The following CD109 variants were observed in gnomAD, a reference collection of about 807,000 sequenced individuals.
CD109 encodes the protein CD109 antigen.
A neutral mutation model predicts 165.8 loss-of-function variants in CD109; 149 were observed. The ratio of observed to expected loss-of-function variants is 0.90; its 90% CI spans 0.79 to 1.03. CD109 has a LOEUF of 1.03. CD109 is among the 50% of genes least tolerant of loss of function. The pLI, the probability that CD109 is intolerant of heterozygous loss-of-function variation, is 0.00. For synonymous variants in CD109, 585 were observed against 592.1 expected (o/e 0.99, Z 0.18); for missense variants, 1,712 against 1,677.8 (o/e 1.02, Z -0.36).
At chr6:73,717,572 C>T (rs1413243940) in intron 2 of CD109, among the ~76,000 whole-genome samples, 3 of 144,492 alleles carry the variant, frequency 2.1e-5, no homozygotes, top group East Asian at 4.1e-4. Context: ...ATTTCTTTTT[C>T]AGATTGTTCA....
chr6:73,716,012 A>T (rs111551702), intron 2 of CD109, among the ~76,000 whole-genome samples: 6,663 of 152,304 alleles, frequency 0.044, 181 homozygotes, highest in East Asian at 0.1. Context: ...TACCACAAAT[A>T]AGTGAGAACA....
intron 2 of CD109, among the ~76,000 whole-genome samples, chr6:73,707,962 TTATATATATATATATATA>T (rs200081535): frequency 0.063 from 7,928 of 126,698 alleles, 440 homozygotes; most frequent in African/African-American, 0.11. Flanking sequence ...ATTGTTATCT[TTATATATATATATATATA>T]TATATATATA....
intron 32 of CD109, among the ~76,000 whole-genome samples, chr6:73,822,884 A>G (rs1466313591): frequency 6.6e-6 from 1 of 152,090 alleles, no homozygotes; most frequent in East Asian, 1.9e-4. Flanking sequence ...AAACTCATTT[A>G]TGTTTTACAG....
intron 2 of CD109, among the ~76,000 whole-genome samples, chr6:73,722,622 T>C (rs1382906241): frequency 6.6e-6 from 1 of 152,256 alleles, no homozygotes; most frequent in Admixed American, 6.5e-5. Context: ...TTGCTCCATT[T>C]TATTTCCCAA....
chr6:73,708,901 C>G (rs989603892), intron 2 of CD109, among the ~76,000 whole-genome samples: 4 of 152,046 alleles, frequency 2.6e-5, no homozygotes, highest in Non-Finnish European at 1.5e-5. Flanking sequence ...TGGATATTAG[C>G]CCTTTGTCAG....
intron 4 of CD109, among the ~76,000 whole-genome samples, chr6:73,735,644 T>C (rs546775802): frequency 6.6e-6 from 1 of 152,320 alleles, no homozygotes; most frequent in East Asian, 1.9e-4. Flanking sequence ...TCCATGTATA[T>C]CCGTGATTAA....
In CD109 at chr6:73,808,183, C is replaced by T; in HGVS notation, c.3290C>T (p.Ser1097Leu). The stretch of plus-strand genomic sequence containing the variant: ...CTAGCCCTTATAACTTATGCATTGT[C>T]ATCAGTGGGGAGTCCTAAAGCGAAG... ...YTLALITYAL[S>L]SVGSPKAKEA... The change falls in exon 26 of 33, where the codon TCA becomes TTA. Residue 1097 changes from serine to leucine, a missense_variant. Ser to Leu is a moderately radical substitution (Grantham distance 145, BLOSUM62 -2). Transcript: ENST00000287097. 1.2e-6 allele frequency: 2 copies of T among 1,613,524 alleles called. No individual in the cohort carries two copies. The highest frequency in any genetic ancestry group is 8.5e-7 in the Non-Finnish European group (1 of 1,179,668).
intron 2 of CD109, 82 bp downstream of exon 2, chr6:73,697,654 C>G: frequency 8.3e-7 from 1 of 1,208,862 alleles, no homozygotes; most frequent in Non-Finnish European, 1.2e-6. Context: ...GGTAGTATAG[C>G]AGAGAAACCC....
At chr6:73,766,192 C>G in intron 11 of CD109, 38 bp downstream of exon 11, 2 of 1,491,676 alleles carry the variant, frequency 1.3e-6, no homozygotes, top group Middle Eastern at 1.7e-4. Context: ...ACTGCAACAA[C>G]ACCATTACAG....
intron 2 of CD109, among the ~76,000 whole-genome samples, chr6:73,722,342 G>A (rs1402837649): frequency 6.6e-6 from 1 of 152,118 alleles, no homozygotes; most frequent in Admixed American, 6.5e-5. Flanking sequence ...ATGATTATTA[G>A]CATCCTCATC....
chr6:73,735,581 A>T (rs1582079225), intron 4 of CD109, among the ~76,000 whole-genome samples: 1 of 152,202 alleles, frequency 6.6e-6, no homozygotes, highest in East Asian at 1.9e-4. Context: ...GCTTGGATAA[A>T]TGTTGCATGA....
In CD109 at chr6:73,823,568, C is replaced by A. The variant is rs752329222; in HGVS notation, c.4273C>A (p.His1425Asn). Residue 1425 changes from histidine to asparagine, a missense_variant, in exon 33 of 33, where the codon CAT becomes AAT. Physicochemically the swap from His to Asn is moderately conservative, Grantham distance 68. Transcript: ENST00000287097. ...TGAGGATGGAGCTTCAGGCTCCCAT[C>A]ATCACTCTTCAGTCATTTTTATTTT... ...PCEDGASGSH[H>N]HSSVIFIFCF... 1.2e-6 allele frequency: 2 copies of A among 1,613,746 alleles called. No homozygotes were observed. The highest frequency in any genetic ancestry group is 1.7e-6 in the Non-Finnish European group (2 of 1,179,948).
rs9446983 is a variant in CD109 at position 73,697,459 on chromosome 6, G to T, written c.134G>T (p.Gly45Val). 3,276 of 1,614,134 alleles carry T rather than the reference G, an allele frequency of 2.0e-3. 46 individuals are homozygous for T. The African/African-American group carries it at 0.039, about 19-fold the overall frequency. ...AGGCCCGGAGGAAATGTGACTATTG[G>T]GGTGGAGCTTCTGGAACACTGCCCT... ...IIRPGGNVTI[G>V]VELLEHCPSQ... Residue 45 changes from glycine to valine, a missense_variant, in exon 2 of 33, where the codon GGG becomes GTG. Gly to Val is a moderately radical substitution (Grantham distance 109). Coordinates refer to ENST00000287097, the MANE Select transcript of CD109 (RefSeq NM_133493.5).
intron 29 of CD109, among the ~76,000 whole-genome samples, chr6:73,814,103 A>G (rs1401478190): frequency 3.3e-5 from 5 of 152,282 alleles, no homozygotes; most frequent in South Asian, 4.1e-4. Context: ...ATGAAGGCTT[A>G]GAGGATTTTT....
Position 73,826,377 on chromosome 6 carries a change from T to C in CD109, c.*2744T>C, listed in dbSNP as rs1406465607. ...TGTCATTTACTGGTATGAACTAAAGTCCCCCTTCTTTTCCACTCACTGGGA... is the reference window on the plus strand; with the variant it reads ...TGTCATTTACTGGTATGAACTAAAGCCCCCCTTCTTTTCCACTCACTGGGA... On this transcript the variant is annotated 3_prime_UTR_variant, in exon 33 of 33. Coordinates refer to ENST00000287097, the MANE Select transcript of CD109 (RefSeq NM_133493.5). The C allele has an allele frequency of 6.6e-6, 1 of 152,176 alleles. No homozygotes were observed. The highest frequency in any genetic ancestry group is 1.5e-5 in the Non-Finnish European group (1 of 68,036). The allele number at this position is 152,176 out of a possible 1,614,324, so 9.4% of individuals were successfully genotyped here. A position where few individuals can be genotyped will look rare whatever the true frequency, so the allele number is the denominator to read the frequency against.
rs920184106 is a variant in CD109 at position 73,696,223 on chromosome 6, G to A, written c.8G>A (p.Gly3Asp). The A allele has an allele frequency of 1.9e-6, 3 of 1,545,582 alleles. No individual in the cohort carries two copies. The highest frequency in any genetic ancestry group is 1.2e-5 in the South Asian group (1 of 84,304). ...CAGGCAGACGCCGTCGAGATGCAGG[G>A]CCCACCGCTCCTGACCGCCGCCCAC... The part of the protein sequence containing the change: MQ[G>D]PPLLTAAHLL... Residue 3 changes from glycine to aspartate, a missense_variant, in exon 1 of 33, where the codon GGC becomes GAC. Coordinates refer to ENST00000287097, the MANE Select transcript of CD109 (RefSeq NM_133493.5).
chr6:73,802,177 AATGCAG>A (rs1385871183), intron 23 of CD109, among the ~76,000 whole-genome samples: 1 of 150,768 alleles, frequency 6.6e-6, no homozygotes, highest in East Asian at 1.9e-4. Flanking sequence ...TGCTTTTATT[AATGCAG>A]ATACGTGAGC....
intron 4 of CD109, among the ~76,000 whole-genome samples, chr6:73,730,990 T>A (rs1772348623): frequency 6.6e-6 from 1 of 152,044 alleles, no homozygotes; most frequent in African/African-American, 2.4e-5. Context: ...TTTGTGTGTG[T>A]GTATGAGAGA....
intron 24 of CD109, among the ~76,000 whole-genome samples, chr6:73,806,045 A>G (rs1482004877): frequency 2.0e-5 from 3 of 152,224 alleles, no homozygotes; most frequent in Admixed American, 6.5e-5. Context: ...TCATGCTGCT[A>G]TAAAGACACA....
Sources: allele counts gnomAD v4.1 joint callset (sites outside exome capture counted in the v4.1 genomes callset), GRCh38; gene constraint gnomAD v4.1.1; transcripts MANE v1.5; gene names NCBI Gene and HGNC (gene_info 2026-07-23, HGNC 2026-07-21).